KCNS3: variants seen among roughly 807,000 people sequenced by gnomAD.
KCNS3 encodes delayed-rectifier potassium channel regulatory subunit KCNS3.
In KCNS3, 13 loss-of-function variants were observed where a neutral mutation model predicts 31.0. The observed-to-expected ratio is 0.42, with a 90% CI of 0.27 to 0.67. KCNS3 has a LOEUF of 0.67. Ranked by LOEUF, KCNS3 falls within the 30% of genes least tolerant of loss-of-function variation. The probability of loss-of-function intolerance (pLI) is 0.25; values close to 1 mark genes in which losing one functional copy is unlikely to be tolerated. For missense variants in KCNS3, 545 were observed against 622.4 expected (o/e 0.88, Z 1.32); for synonymous variants, 238 against 241.5 (o/e 0.99, Z 0.13).
At chr2:17,882,668 G>A (rs967447168) in intron 1 of KCNS3, among the ~76,000 whole-genome samples, 1 of 152,154 alleles carries the variant, frequency 6.6e-6, no homozygotes, top group South Asian at 2.1e-4. Flanking sequence ...AAGAGGAGAA[G>A]AGTGTTGTTG....
chr2:17,915,576 A>G (rs111406435), intron 1 of KCNS3, among the ~76,000 whole-genome samples: 2 of 152,140 alleles, frequency 1.3e-5, no homozygotes, highest in African/African-American at 4.8e-5. Context: ...TAGGTGTAGG[A>G]CTTTGGACAA....
chr2:17,931,884 A>G lies in KCNS3; in HGVS notation c.876A>G (p.Leu292=). 6.2e-7 allele frequency: 1 copy of G among 1,614,136 alleles called. No individual in the cohort carries two copies. The highest frequency in any genetic ancestry group is 8.5e-7 in the Non-Finnish European group (1 of 1,180,016). Residue 292 remains leucine (L), a synonymous_variant, in exon 3 of 3, where the codon CTA becomes CTG. Coordinates refer to ENST00000304101, the MANE Select transcript of KCNS3 (RefSeq NM_002252.5). This position sits in a 1 kb window ranked among gnomAD's most constrained non-coding sequence, Gnocchi z 5.4. ...ACATGGGCAAGGTGGTCCAGATCCT[A>G]CGGCTTATGAGGATTTTCCGAATTC... The part of the protein sequence containing the change: ...IENMGKVVQI[L]RLMRIFRILK...
At position 17,878,671 on chromosome 2, in the gene KCNS3, C is replaced by G. The variant is rs564154793; in HGVS notation, c.-387C>G. On this transcript the variant is annotated 5_prime_UTR_variant, in exon 1 of 3. Transcript: ENST00000304101. ...AGCGGGGCGGGACCGACGGACAGAC[C>G]GGCCGACGCGGGCCACCCCGCTCTC... 2.0e-5 allele frequency: 3 copies of G among 149,726 alleles called. No homozygotes were observed. The highest frequency in any genetic ancestry group is 7.3e-5 in the African/African-American group (3 of 41,194). 9.3% of individuals were successfully genotyped at this position (149,726 alleles called of 1,614,324 possible).
intron 1 of KCNS3, among the ~76,000 whole-genome samples, chr2:17,908,013 C>A (rs981120964): frequency 6.6e-6 from 1 of 152,174 alleles, no homozygotes; most frequent in Admixed American, 6.5e-5. Context: ...GCCTACCTTT[C>A]TGGGTTGGGG....
At position 17,929,652 on chromosome 2, in the gene KCNS3, C is replaced by T. The variant is rs370893816; in HGVS notation, c.-59-1298C>T. On this transcript the variant is annotated intron_variant, in intron 2 of 2. Transcript: ENST00000304101. The stretch of plus-strand genomic sequence containing the variant: ...GCATATAACCTCTGCTATGAAGCTT[C>T]TCCAGGTAAGGTCACTGCTTTTTTC... 1.3e-4 allele frequency among the ~76,000 whole-genome samples: 20 copies of T among 152,352 alleles called. 1 individual carries two copies. In the East Asian group the frequency reaches 1.9e-3, roughly 15 times the overall value.
intron 2 of KCNS3, among the ~76,000 whole-genome samples, chr2:17,926,224 C>T (rs1371626600): frequency 6.6e-6 from 1 of 152,218 alleles, no homozygotes; most frequent in Non-Finnish European, 1.5e-5. Flanking sequence ...GGCAGCTCCA[C>T]CCCTATGGCT....
chr2:17,921,083 A>C (rs774804660), intron 2 of KCNS3, among the ~76,000 whole-genome samples: 2 of 152,202 alleles, frequency 1.3e-5, no homozygotes, highest in Non-Finnish European at 1.5e-5. Context: ...ATTGCCTGCT[A>C]GTGCCTATGT....
At chr2:17,921,178 T>G (rs1662695583) in intron 2 of KCNS3, among the ~76,000 whole-genome samples, 1 of 152,234 alleles carries the variant, frequency 6.6e-6, no homozygotes, top group Admixed American at 6.5e-5. Context: ...AAAAAGATGC[T>G]TAGCACATTT....
chr2:17,911,568 A>G (rs926758172), intron 1 of KCNS3, among the ~76,000 whole-genome samples: 12 of 152,220 alleles, frequency 7.9e-5, no homozygotes, highest in African/African-American at 2.4e-4. Context: ...AGATGTAGAG[A>G]GTAGAAAGCA....
At chr2:17,888,667 AT>A in intron 1 of KCNS3, among the ~76,000 whole-genome samples, 1 of 137,468 alleles carries the variant, frequency 7.3e-6, no homozygotes, top group Non-Finnish European at 1.6e-5. Context: ...ATATATATAT[AT>A]ATATAAAGAA....
intron 1 of KCNS3, among the ~76,000 whole-genome samples, chr2:17,904,190 T>C (rs11096496): frequency 0.56 from 83,567 of 149,148 alleles, 25,108 homozygotes; most frequent in Non-Finnish European, 0.72. Context: ...GGTTTTGATT[T>C]GTATTTCTCT....
Position 17,918,682 on chromosome 2 carries a change from C to T in KCNS3, c.-60+811C>T, listed in dbSNP as rs1178762820. Reference sequence around the variant, plus strand: ...CAGCACTTAGCATAAGGGGCTATAGCTGTAAGAGGATAATACATGGTCCCT... The same window carrying T: ...CAGCACTTAGCATAAGGGGCTATAGTTGTAAGAGGATAATACATGGTCCCT... On this transcript the variant is annotated intron_variant, in intron 2 of 2. Transcript: ENST00000304101. Among the ~76,000 whole-genome samples, 5 of 152,326 alleles carry T rather than the reference C, an allele frequency of 3.3e-5. No homozygotes were observed. In the East Asian group the frequency reaches 7.7e-4, roughly 23 times the overall value.
At chr2:17,904,188 T>C (rs1662256804) in intron 1 of KCNS3, among the ~76,000 whole-genome samples, 1 of 152,242 alleles carries the variant, frequency 6.6e-6, no homozygotes, top group South Asian at 2.1e-4. Flanking sequence ...GTGGTTTTGA[T>C]TTGTATTTCT....
At chr2:17,879,786 G>C (rs1015749513) in intron 1 of KCNS3, among the ~76,000 whole-genome samples, 1 of 152,184 alleles carries the variant, frequency 6.6e-6, no homozygotes, top group Non-Finnish European at 1.5e-5. Context: ...AGCTTCACTC[G>C]GGTGGCCCGC....
chr2:17,891,183 T>A (rs1188731728), intron 1 of KCNS3, among the ~76,000 whole-genome samples: 1 of 152,196 alleles, frequency 6.6e-6, no homozygotes, highest in Non-Finnish European at 1.5e-5. Context: ...TTGTCTCTTT[T>A]AACTGCTGTT....
intron 1 of KCNS3, among the ~76,000 whole-genome samples, chr2:17,899,239 C>T (rs1010261305): frequency 2.6e-5 from 4 of 151,710 alleles, no homozygotes; most frequent in African/African-American, 9.7e-5. Flanking sequence ...ATACAAAAGA[C>T]AAAACAAAAC....
At chr2:17,905,692 G>C (rs1256742049) in intron 1 of KCNS3, among the ~76,000 whole-genome samples, 5 of 152,144 alleles carry the variant, frequency 3.3e-5, no homozygotes, top group African/African-American at 1.2e-4. Context: ...TTTTGTCAAA[G>C]GCCTTTTCTG....
intron 1 of KCNS3, among the ~76,000 whole-genome samples, chr2:17,905,489 A>G (rs1415995006): frequency 6.6e-6 from 1 of 152,200 alleles, no homozygotes; most frequent in African/African-American, 2.4e-5. Context: ...CAGAATTTCC[A>G]ACACTATGTT....
intron 1 of KCNS3, among the ~76,000 whole-genome samples, chr2:17,906,226 A>C (rs11685923): frequency 6.6e-6 from 1 of 152,094 alleles, no homozygotes; most frequent in Non-Finnish European, 1.5e-5. Context: ...CATTTCTTCT[A>C]GATTTTCTAG....
Sources: gnomAD v4.1 joint callset for allele counts (sites outside exome capture counted in the v4.1 genomes callset) on GRCh38, gnomAD v4.1.1 for gene constraint, Gnocchi (gnomAD v3.1) non-coding constraint, MANE v1.5 for transcripts, NCBI Gene and HGNC (gene_info 2026-07-23, HGNC 2026-07-21) for gene names.